The following EDAR variants were observed in gnomAD, a reference collection of about 807,000 sequenced individuals.
EDAR encodes the protein ectodysplasin A receptor, also known as tumor necrosis factor receptor superfamily member EDAR.
In EDAR, 38 loss-of-function variants were observed where a neutral mutation model predicts 51.3. The ratio of observed to expected loss-of-function variants is 0.74; its 90% CI spans 0.57 to 0.97. The LOEUF is 0.97. Ranked by LOEUF, EDAR falls within the 50% of genes least tolerant of loss-of-function variation. The pLI is 0.00. For missense variants in EDAR, 528 were observed against 595.0 expected (o/e 0.89, Z 1.17); for synonymous variants, 227 against 242.1 (o/e 0.94, Z 0.58).
intron 11 of EDAR, among the ~76,000 whole-genome samples, chr2:108,900,426 T>C (rs889238571): frequency 1.3e-5 from 2 of 151,816 alleles, no homozygotes; most frequent in Non-Finnish European, 2.9e-5. Flanking sequence ...TGGTGGCACA[T>C]GCCTGTGATC....
chr2:108,931,856 C>T (rs535258689), intron 1 of EDAR, among the ~76,000 whole-genome samples: 10 of 152,062 alleles, frequency 6.6e-5, no homozygotes, highest in African/African-American at 1.9e-4. Context: ...CTCTAGTGAT[C>T]GCCTAAATTC....
At position 108,941,075 on chromosome 2, in the gene EDAR, G is replaced by A. The variant is rs138134334; in HGVS notation, c.-18-10043C>T. On this transcript the variant is annotated intron_variant, in intron 1 of 11. Transcript: ENST00000258443. ...CTATAAATTTAAACCGATTTTGCCT[G>A]TTCTAGATCTTCATATACATGGAAT... 3.3e-3 allele frequency among the ~76,000 whole-genome samples: 498 copies of A among 152,228 alleles called. 4 individuals carry two copies. The highest frequency in any genetic ancestry group is 0.011 in the African/African-American group (475 of 41,544).
chr2:108,936,638 A>C (rs140212593), intron 1 of EDAR, among the ~76,000 whole-genome samples: 1 of 152,158 alleles, frequency 6.6e-6, no homozygotes, highest in African/African-American at 2.4e-5. Flanking sequence ...CCATCAACCC[A>C]GACAGACCTC....
At chr2:108,904,524 C>T (rs56742081) in intron 11 of EDAR, among the ~76,000 whole-genome samples, 10,597 of 152,254 alleles carry the variant, frequency 0.07, 1,236 homozygotes, top group African/African-American at 0.24. Context: ...ATATTTATAG[C>T]ACCTTTATTC....
chr2:108,935,538 A>C (rs1697450317), intron 1 of EDAR, among the ~76,000 whole-genome samples: 1 of 152,200 alleles, frequency 6.6e-6, no homozygotes, highest in Admixed American at 6.5e-5. Flanking sequence ...ATGTTTAATT[A>C]ATGTTTAATT....
intron 1 of EDAR, among the ~76,000 whole-genome samples, chr2:108,949,156 G>GT (rs926223828): frequency 6.6e-6 from 1 of 151,874 alleles, no homozygotes; most frequent in Non-Finnish European, 1.5e-5. Flanking sequence ...TTTTTTTGTA[G>GT]TTTTTTGTAG....
intron 4 of EDAR, among the ~76,000 whole-genome samples, chr2:108,924,187 C>T (rs1189640092): frequency 6.6e-6 from 1 of 152,192 alleles, no homozygotes; most frequent in Non-Finnish European, 1.5e-5. Flanking sequence ...AGTGATGTTC[C>T]ATTATGTCTT....
At chr2:108,983,366 T>G (rs1574417840) in intron 1 of EDAR, among the ~76,000 whole-genome samples, 2 of 152,210 alleles carry the variant, frequency 1.3e-5, no homozygotes, top group South Asian at 2.1e-4. Flanking sequence ...TAGGATTTTT[T>G]GGGGCCAGAG....
At chr2:108,899,910 T>C (rs1457023301) in intron 11 of EDAR, among the ~76,000 whole-genome samples, 3 of 151,962 alleles carry the variant, frequency 2.0e-5, no homozygotes, top group African/African-American at 7.2e-5. Context: ...CGCTTGAACC[T>C]GGGAGGCGGA....
At chr2:108,974,443 T>C (rs1448154882) in intron 1 of EDAR, among the ~76,000 whole-genome samples, 1 of 147,362 alleles carries the variant, frequency 6.8e-6, no homozygotes, top group East Asian at 2.1e-4. Context: ...CCATGAAAAG[T>C]AGACATGACT....
intron 1 of EDAR, among the ~76,000 whole-genome samples, chr2:108,966,663 T>C (rs1168396627): frequency 6.6e-6 from 1 of 152,214 alleles, no homozygotes; most frequent in Non-Finnish European, 1.5e-5. Flanking sequence ...TGTTTGGCTA[T>C]AGGGGTTCTG....
At chr2:108,958,917 C>G (rs140461183) in intron 1 of EDAR, among the ~76,000 whole-genome samples, 2 of 152,136 alleles carry the variant, frequency 1.3e-5, no homozygotes, top group East Asian at 3.9e-4. Context: ...CATGAGAGAA[C>G]CTGGGAGCCA....
chr2:108,976,788 C>T (rs1698329859), intron 1 of EDAR, among the ~76,000 whole-genome samples: 1 of 152,152 alleles, frequency 6.6e-6, no homozygotes, highest in Non-Finnish European at 1.5e-5. Context: ...CTTAGACATA[C>T]TACCATTTTT....
In EDAR at chr2:108,900,944, G is replaced by C. The variant is rs554580007; in HGVS notation, c.1025-3715C>G. 2.0e-5 allele frequency among the ~76,000 whole-genome samples: 3 copies of C among 152,252 alleles called. No homozygotes were observed. In the South Asian group the frequency reaches 6.2e-4, roughly 32 times the overall value. Reference sequence around the variant, plus strand: ...AAGAAGAGATAAGTCCACAATTATAGTTGAAGACTTTAACATTCCTCCCTC... The same window carrying C: ...AAGAAGAGATAAGTCCACAATTATACTTGAAGACTTTAACATTCCTCCCTC... On this transcript the variant is annotated intron_variant, in intron 11 of 11. Coordinates refer to ENST00000258443, the MANE Select transcript of EDAR (RefSeq NM_022336.4).
intron 5 of EDAR, among the ~76,000 whole-genome samples, chr2:108,918,490 A>T (rs1248995821): frequency 6.6e-6 from 1 of 152,198 alleles, no homozygotes; most frequent in African/African-American, 2.4e-5. Context: ...TGAGTTTCGA[A>T]TAAGCAAGGC....
chr2:108,974,165 TA>T (rs1405499649), intron 1 of EDAR, among the ~76,000 whole-genome samples: 1 of 150,426 alleles, frequency 6.6e-6, no homozygotes, highest in Non-Finnish European at 1.5e-5. Context: ...CCGTCTCTAC[TA>T]AAAAATACAA....
At chr2:108,949,806 A>C (rs540822392) in intron 1 of EDAR, among the ~76,000 whole-genome samples, 10 of 152,228 alleles carry the variant, frequency 6.6e-5, no homozygotes, top group Non-Finnish European at 1.3e-4. Flanking sequence ...TATGTAGCCA[A>C]TGATTTATCA....
intron 1 of EDAR, among the ~76,000 whole-genome samples, chr2:108,961,561 T>C (rs1265864052): frequency 6.6e-6 from 1 of 152,202 alleles, no homozygotes; most frequent in African/African-American, 2.4e-5. Flanking sequence ...AACTGCTCTT[T>C]TGGTTATGGA....
At chr2:108,932,528 CAAAAAAA>C (rs1171012818) in intron 1 of EDAR, among the ~76,000 whole-genome samples, 2,626 of 39,054 alleles carry the variant, frequency 0.067, 34 homozygotes, top group Non-Finnish European at 0.097. Flanking sequence ...GACTCTGTCT[CAAAAAAA>C]AAAAAAAAAA....
Sources: gnomAD v4.1 joint callset for allele counts (sites outside exome capture counted in the v4.1 genomes callset) on GRCh38, gnomAD v4.1.1 for gene constraint, MANE v1.5 for transcripts, NCBI Gene and HGNC (gene_info 2026-07-23, HGNC 2026-07-21) for gene names.